The following RIPOR1 variants were observed in gnomAD, a reference collection of about 807,000 sequenced individuals.
RIPOR1 encodes the protein RHO family interacting cell polarization regulator 1.
In RIPOR1, 58 loss-of-function variants were observed where a neutral mutation model predicts 116.5. The observed-to-expected ratio is 0.50, with a 90% CI of 0.40 to 0.62. RIPOR1 has a LOEUF of 0.62. RIPOR1 is among the 20% of genes least tolerant of loss of function. The pLI, the probability that RIPOR1 is intolerant of heterozygous loss-of-function variation, is 0.00. For synonymous variants in RIPOR1, 605 were observed against 650.0 expected, an observed-to-expected ratio of 0.93 and a Z score of 1.05; for missense variants, 1,372 against 1,586.2, an observed-to-expected ratio of 0.86 and a Z score of 2.29.
chr16:67,545,946 C>T lies in RIPOR1; in HGVS notation c.3388-3C>T, dbSNP rs534345497. Reference sequence around the variant, plus strand: ...CTAAGTCTGTCCTCCCACCCTTCCACAGGCCCTCCTGTGCTTCCTGGACCA... The same window carrying T: ...CTAAGTCTGTCCTCCCACCCTTCCATAGGCCCTCCTGTGCTTCCTGGACCA... On this transcript the variant is annotated splice_region_variant and splice_polypyrimidine_tract_variant and intron_variant, in intron 19 of 21. Coordinates refer to ENST00000042381, the MANE Select transcript of RIPOR1 (RefSeq NM_024519.4). The surrounding 1 kb of genome is among the most constrained non-coding windows in gnomAD (Gnocchi z 4.8). The T allele has an allele frequency of 3.1e-6, 5 of 1,614,062 alleles. No individual in the cohort carries two copies. The highest frequency in any genetic ancestry group is 1.3e-5 in the African/African-American group (1 of 75,052).
intron 1 of RIPOR1, among the ~76,000 whole-genome samples, chr16:67,522,490 C>T (rs2050503817): frequency 6.6e-6 from 1 of 151,892 alleles, no homozygotes; most frequent in African/African-American, 2.4e-5. Flanking sequence ...GCGTGAGCCA[C>T]CGCGCCTGGC....
At chr16:67,521,367 G>A (rs1315152124) in intron 1 of RIPOR1, among the ~76,000 whole-genome samples, 1 of 152,154 alleles carries the variant, frequency 6.6e-6, no homozygotes, top group Non-Finnish European at 1.5e-5. Context: ...CCTGGTGGCC[G>A]GGTCTCTCCT....
At position 67,545,192 on chromosome 16, in the gene RIPOR1, C is replaced by T; in HGVS notation, c.3031+75C>T. The T allele has an allele frequency of 6.3e-7, 1 of 1,580,780 alleles. No individual in the cohort carries two copies. Among genetic ancestry groups the T allele is most frequent in the South Asian group, 1.1e-5 (1 of 89,830 alleles). On this transcript the variant is annotated intron_variant, in intron 17 of 21. Transcript: ENST00000042381. This position sits in a 1 kb window ranked among gnomAD's most constrained non-coding sequence, Gnocchi z 4.8. ...GGAAGCTCGGGGAAGCCAGGTCAGC[C>T]CACACAGATAAACGAACTGGGCACC... is the stretch of plus-strand genomic sequence containing the variant.
chr16:67,529,156 C>A lies in RIPOR1; in HGVS notation c.-24+242C>A, dbSNP rs1034765052. On this transcript the variant is annotated intron_variant, in intron 1 of 21. Coordinates refer to ENST00000042381, the MANE Select transcript of RIPOR1 (RefSeq NM_024519.4). This position sits in a 1 kb window ranked among gnomAD's most constrained non-coding sequence, Gnocchi z 4.1. ...CTGCAGAGCCTGGCGCTGCTGCCTT[C>A]CTCCCACGGCAAGGCCCTGGCGGCC... Among the ~76,000 whole-genome samples the A allele has an allele frequency of 6.6e-6, 1 of 152,194 alleles. No homozygotes were observed. The highest frequency in any genetic ancestry group is 1.5e-5 in the Non-Finnish European group (1 of 68,014).
rs1358900022 is a variant in RIPOR1, at chr16:67,530,873, AG to A, written c.-24+1960del. ...GGTTCTTATCAGCCAGTCCCCCACC[AG>A]TTGAGGTGGCCCTTCTGCCTTAGCT... On this transcript the variant is annotated intron_variant, in intron 1 of 21. Coordinates refer to ENST00000042381, the MANE Select transcript of RIPOR1 (RefSeq NM_024519.4). This position sits in a 1 kb window ranked among gnomAD's most constrained non-coding sequence, Gnocchi z 4.5. 1.3e-5 allele frequency among the ~76,000 whole-genome samples: 2 copies of A among 152,066 alleles called. No homozygotes were observed. The highest frequency in any genetic ancestry group is 2.9e-5 in the Non-Finnish European group (2 of 67,982).
intron 1 of RIPOR1, among the ~76,000 whole-genome samples, chr16:67,535,727 G>A (rs766881247): frequency 6.6e-5 from 10 of 152,094 alleles, no homozygotes; most frequent in Non-Finnish European, 1.5e-4. Flanking sequence ...GAAAGCCTGA[G>A]GGTTGCATCA....
intron 1 of RIPOR1, chr16:67,538,171 C>A (rs1304201462): frequency 5.1e-6 from 2 of 392,394 alleles, no homozygotes; most frequent in Non-Finnish European, 9.0e-6. Context: ...CCTTCCTGCC[C>A]CGCGGCAGGC....
chr16:67,533,333 G>A (rs920420961), intron 1 of RIPOR1, among the ~76,000 whole-genome samples: 1 of 152,118 alleles, frequency 6.6e-6, no homozygotes, highest in African/African-American at 2.4e-5. Context: ...CTTGGGTGGA[G>A]GAGAGATAAG....
chr16:67,540,028 A>G lies in RIPOR1; in HGVS notation c.415-25A>G, dbSNP rs374639736. On this transcript the variant is annotated intron_variant, in intron 6 of 21. Transcript: ENST00000042381. This position sits in a 1 kb window ranked among gnomAD's most constrained non-coding sequence, Gnocchi z 4.7. ...CCCAGAGGTGAGTCTCAGTCCCCCT[A>G]CTGTCACCCCACTCACCTTCCCAGA... 2 of 1,613,776 alleles carry G rather than the reference A, an allele frequency of 1.2e-6. No homozygotes were observed. The highest frequency in any genetic ancestry group is 2.7e-5 in the African/African-American group (2 of 74,864).
At chr16:67,526,752 G>A (rs184664587), upstream of RIPOR1, among the ~76,000 whole-genome samples, 245 of 152,328 alleles carry the variant, frequency 1.6e-3, 1 homozygote, top group African/African-American at 5.6e-3. Flanking sequence ...TATGAAAGGA[G>A]TCAATAGGAG....
chr16:67,526,732 T>G (rs2050542817), upstream of RIPOR1, among the ~76,000 whole-genome samples: 1 of 152,128 alleles, frequency 6.6e-6, no homozygotes, highest in Non-Finnish European at 1.5e-5. Context: ...TGCCTGGCCA[T>G]GGTGAGCAGT....
rs2050627165 is a variant in RIPOR1, at chr16:67,530,363, T to C, written c.-24+1449T>C. Among the ~76,000 whole-genome samples the C allele has an allele frequency of 6.6e-6, 1 of 151,328 alleles. No individual in the cohort carries two copies. The highest frequency in any genetic ancestry group is 2.4e-5 in the African/African-American group (1 of 41,102). On this transcript the variant is annotated intron_variant, in intron 1 of 21. Coordinates refer to ENST00000042381, the MANE Select transcript of RIPOR1 (RefSeq NM_024519.4). This position sits in a 1 kb window ranked among gnomAD's most constrained non-coding sequence, Gnocchi z 4.5. ...CTCCGCCCGGTTCCGGGGTGGGGGG[T>C]CCGGGGCTGTGCCGCTCCCCCTCCC...
In RIPOR1 at chr16:67,545,050, G is replaced by A; in HGVS notation, c.2964G>A (p.Val988=). ...GCTTCCTCTGCCCGGTGGAGCGGGT[G>A]CTTCTCACCTTCTGCAACCAGTATG... ...LSCFLCPVER[V]LLTFCNQYGA... The change falls in exon 17 of 22, where the codon GTG becomes GTA. Residue 988 remains valine, a synonymous_variant. Coordinates refer to ENST00000042381, the MANE Select transcript of RIPOR1 (RefSeq NM_024519.4). This position sits in a 1 kb window ranked among gnomAD's most constrained non-coding sequence, Gnocchi z 4.8. 6.2e-7 allele frequency: 1 copy of A among 1,613,274 alleles called. No homozygotes were observed. The highest frequency in any genetic ancestry group is 1.1e-5 in the South Asian group (1 of 91,082).
chr16:67,540,691 T>G lies in RIPOR1; in HGVS notation c.788T>G (p.Phe263Cys), dbSNP rs992042524. 6.2e-7 allele frequency: 1 copy of G among 1,601,072 alleles called. No homozygotes were observed. Among genetic ancestry groups the G allele is most frequent in the Non-Finnish European group, 8.5e-7 (1 of 1,173,406 alleles). The change falls in exon 10 of 22, where the codon TTT becomes TGT. Residue 263 changes from phenylalanine (F) to cysteine (C), a missense_variant. Coordinates refer to ENST00000042381, the MANE Select transcript of RIPOR1 (RefSeq NM_024519.4). The surrounding 1 kb of genome is among the most constrained non-coding windows in gnomAD (Gnocchi z 4.7). ...ETIFLPLLTE[F>C]LSIKVTELKG... ...ATCTTTCTCCCTCTACTCACGGAAT[T>G]TCTGTCTATTAAGGTGATGTCTCTG...
chr16:67,539,414 C>G (rs559244565), intron 4 of RIPOR1: 32 of 528,814 alleles, frequency 6.1e-5, no homozygotes, highest in Non-Finnish European at 9.2e-5. Context: ...ACACTTCTGC[C>G]GGGGCTTGAT....
At chr16:67,533,081 G>T (rs982257728) in intron 1 of RIPOR1, among the ~76,000 whole-genome samples, 4 of 152,258 alleles carry the variant, frequency 2.6e-5, no homozygotes, top group East Asian at 1.9e-4. Context: ...CTGGCAGGAG[G>T]GGGTGACTGG....
In RIPOR1 at chr16:67,546,401, G is replaced by T; in HGVS notation, c.3598G>T (p.Glu1200Ter). 6.2e-7 allele frequency: 1 copy of T among 1,614,114 alleles called. No individual in the cohort carries two copies. The highest frequency in any genetic ancestry group is 8.5e-7 in the Non-Finnish European group (1 of 1,180,032). ...EGQSAHRRLE[E>*]SLDALPRIFG... ...ACAGTCTGCCCATCGACGGCTGGAG[G>T]AGTCCCTGGACGCCCTGCCCCGCAT... The change falls in exon 22 of 22, where the codon GAG (glutamate) becomes TAG (stop). Residue 1200 changes from glutamate (E) to a stop codon, truncating the protein, a stop_gained. Coordinates refer to ENST00000042381, the MANE Select transcript of RIPOR1 (RefSeq NM_024519.4). LOFTEE classifies it high-confidence loss of function.
rs764278310 is a variant in RIPOR1, at chr16:67,540,025, C to T, written c.415-28C>T. The T allele has an allele frequency of 1.2e-6, 2 of 1,613,994 alleles. No homozygotes were observed. Among genetic ancestry groups the T allele is most frequent in the Admixed American group, 1.7e-5 (1 of 60,012 alleles). On this transcript the variant is annotated intron_variant, in intron 6 of 21. Coordinates refer to ENST00000042381, the MANE Select transcript of RIPOR1 (RefSeq NM_024519.4). This position sits in a 1 kb window ranked among gnomAD's most constrained non-coding sequence, Gnocchi z 4.7. The stretch of plus-strand genomic sequence containing the variant: ...AACCCCAGAGGTGAGTCTCAGTCCC[C>T]CTACTGTCACCCCACTCACCTTCCC...
chr16:67,523,105 T>C (rs2050508385), intron 1 of RIPOR1, among the ~76,000 whole-genome samples: 2 of 152,330 alleles, frequency 1.3e-5, no homozygotes, highest in South Asian at 2.1e-4. Flanking sequence ...AACTGGTCTG[T>C]CACTGTGTCC....
Sources: gnomAD v4.1 joint callset for allele counts (sites outside exome capture counted in the v4.1 genomes callset) on GRCh38, gnomAD v4.1.1 for gene constraint, Gnocchi (gnomAD v3.1) non-coding constraint, MANE v1.5 for transcripts, NCBI Gene and HGNC (gene_info 2026-07-23, HGNC 2026-07-21) for gene names.